MAP4K1: variants seen among roughly 807,000 people sequenced by gnomAD.
MAP4K1 encodes the protein MAPK/ERK kinase kinase kinase 1.
A neutral mutation model predicts 122.8 loss-of-function variants in MAP4K1; 35 were observed. The observed-to-expected ratio is 0.29, with a 90% CI of 0.22 to 0.38. The LOEUF is 0.38. Ranked by LOEUF, MAP4K1 falls within the 10% of genes least tolerant of loss-of-function variation. The pLI is 1.00. For synonymous variants in MAP4K1, 412 were observed against 421.3 expected (o/e 0.98, Z 0.27); for missense variants, 791 against 1,072.6 (o/e 0.74, Z 3.67).
chr19:38,610,042 G>A lies in MAP4K1; in HGVS notation c.811-17C>T, dbSNP rs1975449733. The A allele has an allele frequency of 6.4e-7, 1 of 1,566,804 alleles. No homozygotes were observed. The highest frequency in any genetic ancestry group is 8.8e-7 in the Non-Finnish European group (1 of 1,137,518). ...CAGTTGATGCTGGCGGAGGGAAGAG[G>A]TGTCCGTATCCAGAGGGATGGTGTG... On this transcript the variant is annotated splice_polypyrimidine_tract_variant and intron_variant, in intron 11 of 30. Transcript: ENST00000396857.
intron 9 of MAP4K1, 112 bp downstream of exon 9, chr19:38,612,499 A>G (rs1975527087): frequency 1.1e-6 from 1 of 909,188 alleles, no homozygotes; most frequent in Non-Finnish European, 1.5e-6. Context: ...AGGTAGGCTC[A>G]AGTGGTGATC....
At chr19:38,590,429 AT>A (rs1366715451) in intron 30 of MAP4K1, among the ~76,000 whole-genome samples, 21 of 123,396 alleles carry the variant, frequency 1.7e-4, no homozygotes, top group African/African-American at 2.9e-4. Flanking sequence ...ATATATATAT[AT>A]ATATATAATC....
chr19:38,610,148 G>A lies in MAP4K1; in HGVS notation c.811-123C>T, dbSNP rs1599715710. 15 of 673,214 alleles carry A rather than the reference G, an allele frequency of 2.2e-5. No homozygotes were observed. The East Asian group carries it at 3.3e-4, about 15-fold the overall frequency. The allele number at this position is 673,214 out of a possible 1,614,324, so 41.7% of individuals were successfully genotyped here. On this transcript the variant is annotated intron_variant, in intron 11 of 30. Transcript: ENST00000396857. ...CTAAAGGAATCTAGCTGGGGAGAAG[G>A]TGCCAGTGAAGGCAGAGGGCGGGGA...
intron 30 of MAP4K1, among the ~76,000 whole-genome samples, chr19:38,592,700 C>T (rs993939146): frequency 2.6e-5 from 4 of 151,332 alleles, no homozygotes; most frequent in Admixed American, 2.0e-4. Context: ...GGTGGATCAC[C>T]GAGGTCAGGA....
At chr19:38,595,397 C>T in intron 29 of MAP4K1, 88 bp downstream of exon 29, 1 of 1,360,776 alleles carries the variant, frequency 7.3e-7, no homozygotes, top group East Asian at 2.3e-5. Context: ...ACTTCACACT[C>T]TGACTCAGGA....
chr19:38,611,282 C>T lies in MAP4K1; in HGVS notation c.689G>A (p.Ser230Asn), dbSNP rs1381228367. 1 of 1,613,618 alleles carries T rather than the reference C, an allele frequency of 6.2e-7. No individual in the cohort carries two copies. Among genetic ancestry groups the T allele is most frequent in the South Asian group, 1.1e-5 (1 of 91,062 alleles). Residue 230 changes from serine to asparagine, a missense_variant, in exon 10 of 31, where the codon AGT becomes AAT. Coordinates refer to ENST00000396857, the MANE Select transcript of MAP4K1 (RefSeq NM_001042600.3). Reference protein sequence around the residue: ...PLRVLFLMTKSGYQPPRLKEK... With the variant: ...PLRVLFLMTKNGYQPPRLKEK... ...CTTCAGTCGGGGAGGCTGGTAGCCA[C>T]TCTTGGTCATGAGGAAGAGAACTCT...
chr19:38,608,810 A>AC (rs1206980548), intron 13 of MAP4K1, among the ~76,000 whole-genome samples: 1 of 146,610 alleles, frequency 6.8e-6, no homozygotes, highest in Non-Finnish European at 1.5e-5. Flanking sequence ...AAAAAAAAAA[A>AC]AAAAAAAAAA....
intron 21 of MAP4K1, 38 bp downstream of exon 21, chr19:38,600,039 G>GGCCCTT (rs1568627732): frequency 7.4e-6 from 12 of 1,613,926 alleles, no homozygotes; most frequent in Admixed American, 1.7e-5. Flanking sequence ...CCCCGACTCC[G>GGCCCTT]GCCCTTGCCC....
rs1975391174 is a variant in MAP4K1 at position 38,608,255 on chromosome 19, G to T, written c.1007-85C>A. The T allele has an allele frequency of 3.0e-5, 17 of 573,916 alleles. No homozygotes were observed. The South Asian group carries it at 3.4e-4, about 12-fold the overall frequency. 35.6% of individuals were successfully genotyped at this position (573,916 alleles called of 1,614,324 possible). A position where few individuals can be genotyped will look rare whatever the true frequency, so the allele number is the denominator to read the frequency against. The stretch of plus-strand genomic sequence containing the variant: ...GTTTAAGAACAGAAAGAGTAGAATT[G>T]GCGGGGGGGTTGCAGTCAGGATCTT... On this transcript the variant is annotated intron_variant, in intron 13 of 30. Coordinates refer to ENST00000396857, the MANE Select transcript of MAP4K1 (RefSeq NM_001042600.3).
chr19:38,605,722 G>A lies in MAP4K1; in HGVS notation c.1209C>T (p.Phe403=), dbSNP rs1431318189. ...TPPPLPPKPK[F]RSPSDEGPGS... Reference sequence around the variant, plus strand: ...CAGGACCCTCGTCTGATGGAGAACGGAACTTGGGCTTTGGAGACGGGAATG... The same window carrying A: ...CAGGACCCTCGTCTGATGGAGAACGAAACTTGGGCTTTGGAGACGGGAATG... Residue 403 remains phenylalanine, a synonymous_variant, in exon 18 of 31, where the codon TTC becomes TTT. Transcript: ENST00000396857. 1 of 1,605,570 alleles carries A rather than the reference G, an allele frequency of 6.2e-7. No individual in the cohort carries two copies. Among genetic ancestry groups the A allele is most frequent in the Non-Finnish European group, 8.5e-7 (1 of 1,178,058 alleles).
intron 19 of MAP4K1, among the ~76,000 whole-genome samples, chr19:38,603,171 C>A (rs917211313): frequency 4.0e-5 from 6 of 149,022 alleles, no homozygotes; most frequent in African/African-American, 1.5e-4. Context: ...TACATATATA[C>A]ACATGTACAT....
At chr19:38,596,127 C>T (rs1334370490) in intron 26 of MAP4K1, 126 bp from the exon 27 acceptor site, 19 of 1,310,030 alleles carry the variant, frequency 1.5e-5, no homozygotes, top group Non-Finnish European at 1.9e-5. Context: ...CTAAACCCCG[C>T]CCACCATCCC....
At chr19:38,604,746 C>T (rs1157350407) in intron 19 of MAP4K1, among the ~76,000 whole-genome samples, 6 of 148,834 alleles carry the variant, frequency 4.0e-5, no homozygotes, top group Non-Finnish European at 7.4e-5. Flanking sequence ...GCCGAGATCG[C>T]GCCACTGCAC....
chr19:38,607,136 G>A (rs751737572), intron 16 of MAP4K1, among the ~76,000 whole-genome samples: 1 of 152,040 alleles, frequency 6.6e-6, no homozygotes, highest in Non-Finnish European at 1.5e-5. Flanking sequence ...AGGGTGCAGG[G>A]TCATGGAGGA....
chr19:38,590,394 A>AAT (rs1163055879), intron 30 of MAP4K1, among the ~76,000 whole-genome samples: 363 of 17,232 alleles, frequency 0.021, 11 homozygotes, highest in Middle Eastern at 0.056. Context: ...AAAAAAAAAA[A>AAT]ATATATATAT....
intron 22 of MAP4K1, among the ~76,000 whole-genome samples, chr19:38,599,188 T>TAA: frequency 9.7e-6 from 1 of 103,534 alleles, no homozygotes; most frequent in South Asian, 3.1e-4. Context: ...ATAAAAAAAG[T>TAA]AAAAAAAAAA....
rs537796974 is a variant in MAP4K1, at chr19:38,589,641, C to G, written c.2397-1824G>C. On this transcript the variant is annotated intron_variant, in intron 30 of 30. Coordinates refer to ENST00000396857, the MANE Select transcript of MAP4K1 (RefSeq NM_001042600.3). ...CATTGGTCAGGCTGGTCTCAAACTC[C>G]CGACCTCAGGTGATCCACCTGCCTC... Among the ~76,000 whole-genome samples, 391 of 152,182 alleles carry G rather than the reference C, an allele frequency of 2.6e-3. 3 individuals are homozygous for G. Among genetic ancestry groups the G allele is most frequent in the Non-Finnish European group, 1.6e-3 (107 of 67,996 alleles).
chr19:38,608,839 C>T (rs1326761750), intron 13 of MAP4K1, among the ~76,000 whole-genome samples: 1 of 133,378 alleles, frequency 7.5e-6, no homozygotes, highest in Non-Finnish European at 1.6e-5. Context: ...ACATTAGCCA[C>T]GCGTGGTGAA....
chr19:38,599,364 A>AG (rs1974992020), intron 22 of MAP4K1, among the ~76,000 whole-genome samples: 1 of 147,610 alleles, frequency 6.8e-6, no homozygotes, highest in Non-Finnish European at 1.5e-5. Flanking sequence ...AAAAAAAAAA[A>AG]AAAAGGCTAA....
Sources: gnomAD v4.1 joint callset for allele counts (sites outside exome capture counted in the v4.1 genomes callset) on GRCh38, gnomAD v4.1.1 for gene constraint, MANE v1.5 for transcripts, NCBI Gene and HGNC (gene_info 2026-07-23, HGNC 2026-07-21) for gene names.